MAOB: variants seen among roughly 807,000 people sequenced by gnomAD.
The protein encoded by MAOB is amine oxidase [flavin-containing] B.
MAOB carries 15 observed loss-of-function variants against 41.9 expected under a neutral mutation model. The observed-to-expected ratio is 0.36, with a 90% CI of 0.24 to 0.55. MAOB has a LOEUF of 0.55. MAOB is among the 20% of genes least tolerant of loss of function. The pLI, the probability that MAOB is intolerant of heterozygous loss-of-function variation, is 0.86. For missense variants in MAOB, 345 were observed against 398.7 expected, an observed-to-expected ratio of 0.87 and a Z score of 1.15; for synonymous variants, 167 against 144.2, an observed-to-expected ratio of 1.16 and a Z score of -1.13.
At chrX:43,779,041 C>T (rs1233074928) in intron 10 of MAOB, among the ~76,000 whole-genome samples, 1 of 111,468 alleles carries the variant, frequency 9.0e-6, no homozygotes, top group South Asian at 3.8e-4. Context: ...TGTTTATGAA[C>T]AAAATGTTTC....
chrX:43,823,165 C>CTTTTTTTTTTTT (rs1181398583), intron 3 of MAOB, among the ~76,000 whole-genome samples: 2 of 60,104 alleles, frequency 3.3e-5, no homozygotes, highest in Non-Finnish European at 5.8e-5. Context: ...AACAGATGGT[C>CTTTTTTTTTTTT]TTTTTTTTTT....
intron 1 of MAOB, among the ~76,000 whole-genome samples, chrX:43,845,797 T>C (rs2035195952): frequency 8.9e-6 from 1 of 112,646 alleles, no homozygotes; most frequent in African/African-American, 3.2e-5. Flanking sequence ...TTAAAAACCA[T>C]AATGAAAAGC....
chrX:43,785,589 A>G (rs1366723508), intron 8 of MAOB, among the ~76,000 whole-genome samples: 3 of 112,879 alleles, frequency 2.7e-5, no homozygotes, highest in African/African-American at 6.4e-5. Context: ...CTTTCAGCCT[A>G]TCTCAGCTTT....
rs973125561 is a variant in MAOB, at chrX:43,771,434, T to C, written c.1236-2016A>G. Among the ~76,000 whole-genome samples, 3 of 111,905 alleles carry C rather than the reference T, an allele frequency of 2.7e-5. No homozygotes were observed. In the South Asian group the frequency reaches 1.1e-3, roughly 42 times the overall value. On this transcript the variant is annotated intron_variant, in intron 12 of 14. Coordinates refer to ENST00000378069, the MANE Select transcript of MAOB (RefSeq NM_000898.5). ...GTGTATTAAGCGCATTTTCCACTTA[T>C]AATATTTTCAATTTATGGTGGGTTT...
At position 43,807,996 on chromosome X, in the gene MAOB, C is replaced by T. The variant is rs192613063; in HGVS notation, c.280-4592G>A. Among the ~76,000 whole-genome samples the T allele has an allele frequency of 2.8e-4, 31 of 111,751 alleles. 1 individual carries two copies. Among genetic ancestry groups the T allele is most frequent in the African/African-American group, 9.4e-4 (29 of 30,694 alleles). Reference sequence around the variant, plus strand: ...GAACCCAGACCCACTATGGTCTCTGCAGATCCCTACCAGCAGAGTAGTGCC... The same window carrying T: ...GAACCCAGACCCACTATGGTCTCTGTAGATCCCTACCAGCAGAGTAGTGCC... On this transcript the variant is annotated intron_variant, in intron 3 of 14. Transcript: ENST00000378069.
In MAOB at chrX:43,767,312, TA is replaced by T; in HGVS notation, c.*153del. 1 of 506,904 alleles carries T rather than the reference TA, an allele frequency of 2.0e-6. No individual in the cohort carries two copies. The highest frequency in any genetic ancestry group is 4.1e-5 in the Admixed American group (1 of 24,479). The allele number at this position is 506,904 out of a possible 1,213,427, so 41.8% of individuals were successfully genotyped here. A position where few individuals can be genotyped will look rare whatever the true frequency, so the allele number is the denominator to read the frequency against. ...GCAGGGGCCACAACGGAGAAAGAGA[TA>T]CCATGTATTTTACAGTCAGAGTTGG... On this transcript the variant is annotated 3_prime_UTR_variant, in exon 15 of 15. Transcript: ENST00000378069.
chrX:43,794,484 C>T (rs1425624642), intron 7 of MAOB, among the ~76,000 whole-genome samples: 1 of 110,415 alleles, frequency 9.1e-6, no homozygotes, highest in Non-Finnish European at 1.9e-5. Flanking sequence ...TCATTACTGT[C>T]TTTCTCCTTC....
chrX:43,872,774 C>T (rs1465565120), intron 1 of MAOB, among the ~76,000 whole-genome samples: 1 of 112,054 alleles, frequency 8.9e-6, no homozygotes, highest in East Asian at 2.8e-4. Flanking sequence ...CAAATAAGTA[C>T]AGTAAATACA....
intron 2 of MAOB, among the ~76,000 whole-genome samples, chrX:43,841,293 T>C (rs945634990): frequency 2.2e-4 from 25 of 111,812 alleles, no homozygotes; most frequent in African/African-American, 8.1e-4. Flanking sequence ...AGTGTCAGAA[T>C]TGAAACAATT....
chrX:43,881,761 AAT>A (rs2035474784), intron 1 of MAOB, among the ~76,000 whole-genome samples: 1 of 112,086 alleles, frequency 8.9e-6, no homozygotes, highest in Non-Finnish European at 1.9e-5. Context: ...AACCTCAAAG[AAT>A]CAGGAGGGCC....
intron 3 of MAOB, among the ~76,000 whole-genome samples, chrX:43,824,439 T>C (rs1279025015): frequency 8.9e-6 from 1 of 112,345 alleles, no homozygotes; most frequent in Non-Finnish European, 1.9e-5. Flanking sequence ...ATTCTAGCAC[T>C]TTGGGAAACC....
At chrX:43,872,639 C>G (rs1005209072) in intron 1 of MAOB, among the ~76,000 whole-genome samples, 1 of 111,436 alleles carries the variant, frequency 9.0e-6, no homozygotes, top group Admixed American at 9.5e-5. Context: ...AAATGTTCAG[C>G]AATAGGAGAT....
In MAOB at chrX:43,795,811, C is replaced by T. The variant is rs1209162951; in HGVS notation, c.696G>A (p.Glu232=). 2.5e-6 allele frequency: 3 copies of T among 1,211,301 alleles called. No homozygotes were observed. The South Asian group carries it at 5.3e-5, about 21-fold the overall frequency. Residue 232 remains glutamate (E), a synonymous_variant, in exon 7 of 15, where the codon GAG becomes GAA. Coordinates refer to ENST00000378069, the MANE Select transcript of MAOB (RefSeq NM_000898.5). ...MDLLGDRVKL[E]RPVIYIDQTR... The stretch of plus-strand genomic sequence containing the variant: ...TCTGGTCAATGTAGATCACAGGCCT[C>T]TCCAGCTTCACTCGGTCTCCAAGGA...
At chrX:43,787,769 C>T (rs1021897201) in intron 8 of MAOB, among the ~76,000 whole-genome samples, 4 of 111,551 alleles carry the variant, frequency 3.6e-5, no homozygotes, top group African/African-American at 1.3e-4. Flanking sequence ...TAGGGGGAAA[C>T]CATCATACAA....
intron 8 of MAOB, among the ~76,000 whole-genome samples, chrX:43,790,177 T>C (rs1157935340): frequency 8.9e-6 from 1 of 112,215 alleles, no homozygotes; most frequent in Non-Finnish European, 1.9e-5. Context: ...TGACTGAGCT[T>C]GTATGTTACT....
chrX:43,802,329 T>G (rs2034604919), intron 4 of MAOB, 66 bp from the exon 5 acceptor site: 1 of 776,452 alleles, frequency 1.3e-6, no homozygotes, highest in African/African-American at 2.1e-5. Flanking sequence ...TTATTCATTT[T>G]TGTAATTTTC....
intron 9 of MAOB, among the ~76,000 whole-genome samples, chrX:43,781,165 T>C (rs1399871711): frequency 1.8e-5 from 2 of 111,573 alleles, no homozygotes; most frequent in Admixed American, 9.6e-5. Flanking sequence ...CAACAAAAGA[T>C]GGGTCACCTA....
intron 1 of MAOB, among the ~76,000 whole-genome samples, chrX:43,853,160 C>T (rs1312398364): frequency 4.8e-5 from 5 of 104,583 alleles, no homozygotes; most frequent in Admixed American, 2.1e-4. Context: ...CCCAGCTGCT[C>T]GGGAGGCTGA....
At chrX:43,811,249 C>T (rs1270277084) in intron 3 of MAOB, among the ~76,000 whole-genome samples, 4 of 111,316 alleles carry the variant, frequency 3.6e-5, no homozygotes, top group African/African-American at 1.3e-4. Context: ...AAAGACCCAA[C>T]ACCCCAATTT....
Sources: gnomAD v4.1 joint callset for allele counts (sites outside exome capture counted in the v4.1 genomes callset) on GRCh38, gnomAD v4.1.1 for gene constraint, MANE v1.5 for transcripts, NCBI Gene and HGNC (gene_info 2026-07-23, HGNC 2026-07-21) for gene names.